PLA2G4A: variants seen among roughly 807,000 people sequenced by gnomAD.
PLA2G4A encodes phospholipase A2 group IVA.
A neutral mutation model predicts 81.9 loss-of-function variants in PLA2G4A; 40 were observed. That is an observed-to-expected ratio of 0.49 (90% CI 0.38 to 0.64). The LOEUF is 0.64. Among genes scored for constraint, PLA2G4A ranks in the 30% least tolerant of loss-of-function variants. The probability of loss-of-function intolerance (pLI) is 0.00; values close to 1 mark genes in which losing one functional copy is unlikely to be tolerated. For synonymous variants in PLA2G4A, 302 were observed against 296.9 expected, an observed-to-expected ratio of 1.02 and a Z score of -0.18; for missense variants, 715 against 905.1, an observed-to-expected ratio of 0.79 and a Z score of 2.69.
At chr1:186,830,949 GCTTGCTTGCTTTCTTT>G (rs1287928235) in intron 1 of PLA2G4A, among the ~76,000 whole-genome samples, 639 of 44,768 alleles carry the variant, frequency 0.014, 4 homozygotes, top group East Asian at 0.05. Context: ...TTGCTTGCTT[GCTTGCTTGCTTTCTTT>G]CTTTCTTTCT....
intron 1 of PLA2G4A, among the ~76,000 whole-genome samples, chr1:186,830,957 G>GCTTGCTTTCTTTTTCTTTCTTT (rs1491468816): frequency 3.6e-5 from 3 of 82,716 alleles, no homozygotes; most frequent in African/African-American, 1.2e-4. Flanking sequence ...TTGCTTGCTT[G>GCTTGCTTTCTTTTTCTTTCTTT]CTTTCTTTCT....
At chr1:186,979,168 C>CA in intron 16 of PLA2G4A, 147 bp from the exon 17 acceptor site, 1 of 684,602 alleles carries the variant, frequency 1.5e-6, no homozygotes, top group Non-Finnish European at 2.7e-6. Context: ...AACACACAGA[C>CA]ACGATAAAAG....
At chr1:186,916,494 T>A (rs181188749) in intron 7 of PLA2G4A, among the ~76,000 whole-genome samples, 6 of 152,326 alleles carry the variant, frequency 3.9e-5, no homozygotes, top group Admixed American at 1.3e-4. Context: ...CCACATCCCC[T>A]TCCTAGCTTA....
chr1:186,885,937 A>G (rs1653920777), intron 3 of PLA2G4A, among the ~76,000 whole-genome samples: 1 of 152,150 alleles, frequency 6.6e-6, no homozygotes, highest in Non-Finnish European at 1.5e-5. Flanking sequence ...AGCATTGGGA[A>G]GAGAGAGGGA....
chr1:186,882,105 C>G (rs1426002225), intron 3 of PLA2G4A, among the ~76,000 whole-genome samples: 5 of 152,140 alleles, frequency 3.3e-5, no homozygotes, highest in Non-Finnish European at 7.4e-5. Context: ...GCCTCTGAGT[C>G]TCAATTTCTT....
intron 2 of PLA2G4A, among the ~76,000 whole-genome samples, chr1:186,863,321 C>CT (rs1236339745): frequency 6.6e-6 from 1 of 152,044 alleles, no homozygotes; most frequent in African/African-American, 2.4e-5. Context: ...AATCTTTTTC[C>CT]TTTTTTGTTT....
At chr1:186,901,969 A>G (rs1238467263) in intron 5 of PLA2G4A, among the ~76,000 whole-genome samples, 2 of 152,176 alleles carry the variant, frequency 1.3e-5, no homozygotes, top group African/African-American at 4.8e-5. Flanking sequence ...CAATGGGGAT[A>G]CATGCTGAGA....
chr1:186,967,495 T>C (rs1282752418), intron 15 of PLA2G4A, among the ~76,000 whole-genome samples: 1 of 152,044 alleles, frequency 6.6e-6, no homozygotes, highest in Non-Finnish European at 1.5e-5. Flanking sequence ...TGTGCAGCAG[T>C]TAGTGGGAAA....
intron 8 of PLA2G4A, among the ~76,000 whole-genome samples, chr1:186,936,141 C>A: frequency 6.6e-6 from 1 of 151,786 alleles, no homozygotes. Context: ...ACAGTATTAC[C>A]ATCTAAAAAG....
chr1:186,970,942 A>G (rs538669941), intron 15 of PLA2G4A, among the ~76,000 whole-genome samples: 1 of 151,784 alleles, frequency 6.6e-6, no homozygotes, highest in African/African-American at 2.4e-5. Context: ...TATTTCTGTA[A>G]AGAATGTCAC....
chr1:186,975,128 TA>T (rs565774504), intron 15 of PLA2G4A, among the ~76,000 whole-genome samples: 2 of 152,192 alleles, frequency 1.3e-5, no homozygotes, highest in South Asian at 4.1e-4. Context: ...TGATGTTGAA[TA>T]ATCACGAGTG....
At chr1:186,861,496 T>TA (rs140931050) in intron 2 of PLA2G4A, among the ~76,000 whole-genome samples, 1 of 152,180 alleles carries the variant, frequency 6.6e-6, no homozygotes, top group Non-Finnish European at 1.5e-5. Context: ...TGTTTATTTT[T>TA]AAAAAACATT....
chr1:186,878,342 T>TTA (rs1252073849), intron 3 of PLA2G4A, among the ~76,000 whole-genome samples: 15 of 145,762 alleles, frequency 1.0e-4, no homozygotes, highest in African/African-American at 2.5e-4. Context: ...CTGATATATT[T>TTA]TATATATATA....
chr1:186,902,383 A>G (rs1196801708), intron 5 of PLA2G4A, among the ~76,000 whole-genome samples: 2 of 151,866 alleles, frequency 1.3e-5, no homozygotes, highest in Non-Finnish European at 2.9e-5. Flanking sequence ...CAACCCCACA[A>G]TATCACCCCT....
chr1:186,953,971 T>C (rs990415570), intron 13 of PLA2G4A, among the ~76,000 whole-genome samples: 1 of 152,252 alleles, frequency 6.6e-6, no homozygotes, highest in Non-Finnish European at 1.5e-5. Context: ...TTTGTCCTGT[T>C]TGGCATTAGA....
At chr1:186,912,486 C>G (rs1305746021) in intron 7 of PLA2G4A, among the ~76,000 whole-genome samples, 1 of 152,000 alleles carries the variant, frequency 6.6e-6, no homozygotes, top group East Asian at 1.9e-4. Context: ...ACCCCTGCAC[C>G]ACTGATACTT....
intron 10 of PLA2G4A, among the ~76,000 whole-genome samples, chr1:186,942,046 T>C (rs1341533524): frequency 6.6e-6 from 1 of 152,168 alleles, no homozygotes; most frequent in Non-Finnish European, 1.5e-5. Context: ...GGTCTAGATC[T>C]TAAAGATTAA....
At position 186,962,061 on chromosome 1, in the gene PLA2G4A, C is replaced by A. The variant is rs544100317; in HGVS notation, c.1580-3348C>A. Among the ~76,000 whole-genome samples, 3 of 152,250 alleles carry A rather than the reference C, an allele frequency of 2.0e-5. No individual in the cohort carries two copies. In the East Asian group the frequency reaches 5.8e-4, roughly 29 times the overall value. ...TACCTGCCCGTTAGTGACTCAGTGG[C>A]CATCTCAGTTAACCAGATTGACTGT... is the stretch of plus-strand genomic sequence containing the variant. On this transcript the variant is annotated intron_variant, in intron 14 of 17. Transcript: ENST00000367466.
Position 186,894,179 on chromosome 1 carries a change from GA to G in PLA2G4A, c.350del (p.Lys117ArgfsTer16). ...TACTGTATCTTCTATGAAGGTGGGA[GA>G]AAAGAAAGAAGTTCCTTTTATTTTC... ...TFTVSSMKVG[E>X]KKEVPFIFNQ... On this transcript the variant is annotated frameshift_variant, in exon 5 of 18. Transcript: ENST00000367466. LOFTEE classifies it high-confidence loss of function. 1.4e-6 allele frequency: 2 copies of G among 1,434,146 alleles called. No homozygotes were observed. The highest frequency in any genetic ancestry group is 2.0e-6 in the Non-Finnish European group (2 of 1,015,778). 88.8% of individuals were successfully genotyped at this position (1,434,146 alleles called of 1,614,324 possible).
Sources: allele counts gnomAD v4.1 joint callset (sites outside exome capture counted in the v4.1 genomes callset), GRCh38; gene constraint gnomAD v4.1.1; transcripts MANE v1.5; gene names NCBI Gene and HGNC (gene_info 2026-07-23, HGNC 2026-07-21).